Variants in ZNRF1 observed in about 807,000 individuals in gnomAD.
ZNRF1 encodes the protein E3 ubiquitin-protein ligase ZNRF1.
In ZNRF1, 3 loss-of-function variants were observed where a neutral mutation model predicts 18.4. That is an observed-to-expected ratio of 0.16 (90% CI 0.07 to 0.42). ZNRF1 has a LOEUF of 0.42. Among genes scored for constraint, ZNRF1 ranks in the 10% least tolerant of loss-of-function variants. The pLI is 0.99. For synonymous variants in ZNRF1, 157 were observed against 144.2 expected (o/e 1.09, Z -0.64); for missense variants, 310 against 329.8 (o/e 0.94, Z 0.47).
chr16:75,078,085 TC>T (rs1302193282), intron 1 of ZNRF1, among the ~76,000 whole-genome samples: 1 of 152,170 alleles, frequency 6.6e-6, no homozygotes, highest in Non-Finnish European at 1.5e-5. Context: ...GCACACATGT[TC>T]CCATGTAATG....
chr16:74,999,613 TGAG>T lies in ZNRF1; in HGVS notation c.-58_-56del. ...GCTCGCCCAGCCCTCCCCCTGCTGC[TGAG>T]AAGTGGGGGAGGGTCTCGGCCTCCA... On this transcript the variant is annotated 5_prime_UTR_variant, in exon 1 of 5. The change abolishes the stop of an existing upstream ORF in the 5' untranslated region. Transcript: ENST00000335325. 8.2e-7 allele frequency: 1 copy of T among 1,224,374 alleles called. No individual in the cohort carries two copies. The highest frequency in any genetic ancestry group is 1.0e-6 in the Non-Finnish European group (1 of 959,038). 75.8% of individuals were successfully genotyped at this position (1,224,374 alleles called of 1,614,324 possible).
intron 1 of ZNRF1, among the ~76,000 whole-genome samples, chr16:75,070,820 A>T (rs1355613334): frequency 6.6e-6 from 1 of 152,072 alleles, no homozygotes; most frequent in Non-Finnish European, 1.5e-5. Context: ...CATTCACATC[A>T]TGTGTGGGAG....
chr16:75,060,163 C>T (rs1375520854), intron 1 of ZNRF1, among the ~76,000 whole-genome samples: 1 of 151,972 alleles, frequency 6.6e-6, no homozygotes, highest in Non-Finnish European at 1.5e-5. Context: ...AAGTGATTCT[C>T]CTGCCTCAGC....
chr16:75,090,583 C>T (rs748776003), intron 1 of ZNRF1, among the ~76,000 whole-genome samples: 5 of 152,064 alleles, frequency 3.3e-5, no homozygotes, highest in Admixed American at 6.5e-5. Flanking sequence ...AGCCCTTTCC[C>T]GAAGCTCCAC....
intron 1 of ZNRF1, among the ~76,000 whole-genome samples, chr16:75,069,691 C>T (rs1307266877): frequency 6.6e-6 from 1 of 152,196 alleles, no homozygotes; most frequent in African/African-American, 2.4e-5. Flanking sequence ...GGATTACAGG[C>T]GTGAGCCATT....
chr16:75,084,265 A>G (rs2036049322), intron 1 of ZNRF1, among the ~76,000 whole-genome samples: 1 of 152,268 alleles, frequency 6.6e-6, no homozygotes, highest in South Asian at 2.1e-4. Context: ...GAGGAAGGCT[A>G]GAAATATTTG....
chr16:75,025,564 A>G (rs1199624205), intron 1 of ZNRF1, among the ~76,000 whole-genome samples: 1 of 152,154 alleles, frequency 6.6e-6, no homozygotes, highest in Non-Finnish European at 1.5e-5. Flanking sequence ...AGACTACCAC[A>G]GGAAAGATCG....
At chr16:75,015,400 A>G (rs927757227) in intron 1 of ZNRF1, among the ~76,000 whole-genome samples, 1 of 152,128 alleles carries the variant, frequency 6.6e-6, no homozygotes, top group African/African-American at 2.4e-5. Context: ...ACATGGACAA[A>G]CCTCATCTCT....
At chr16:75,045,093 G>T (rs1287124446) in intron 1 of ZNRF1, among the ~76,000 whole-genome samples, 1 of 152,142 alleles carries the variant, frequency 6.6e-6, no homozygotes, top group Non-Finnish European at 1.5e-5. Flanking sequence ...ATCGTGGGTG[G>T]TGCTTGTCCG....
intron 1 of ZNRF1, among the ~76,000 whole-genome samples, chr16:75,070,394 C>T (rs1419667820): frequency 6.6e-6 from 1 of 152,276 alleles, no homozygotes; most frequent in East Asian, 1.9e-4. Context: ...AAATATAAGC[C>T]ACCTCTGAAC....
rs771376546 is a variant in ZNRF1, at chr16:75,000,285, C to T, written c.424+190C>T. 7.3e-5 allele frequency: 66 copies of T among 899,554 alleles called. 2 individuals are homozygous for T. Among genetic ancestry groups the T allele is most frequent in the Middle Eastern group, 6.3e-4 (3 of 4,772 alleles). 55.7% of individuals were successfully genotyped at this position (899,554 alleles called of 1,614,324 possible). A position where few individuals can be genotyped will look rare whatever the true frequency, so the allele number is the denominator to read the frequency against. On this transcript the variant is annotated intron_variant, in intron 1 of 4. Coordinates refer to ENST00000335325, the MANE Select transcript of ZNRF1 (RefSeq NM_032268.5). ...CTAGGCTTTCTGCGAGGCTGCGGAG[C>T]CTGGCGATTTAGGGACTCACGGCGT... is the stretch of plus-strand genomic sequence containing the variant.
At chr16:75,007,258 T>C (rs533839953) in intron 1 of ZNRF1, among the ~76,000 whole-genome samples, 1 of 152,182 alleles carries the variant, frequency 6.6e-6, no homozygotes, top group Admixed American at 6.5e-5. Context: ...TCTCCATTTG[T>C]TGCCCAGGCT....
At chr16:75,021,330 G>A (rs1029693491) in intron 1 of ZNRF1, among the ~76,000 whole-genome samples, 3 of 152,164 alleles carry the variant, frequency 2.0e-5, no homozygotes, top group Admixed American at 2.0e-4. Context: ...TGAGCCAGGC[G>A]CCTGGCCTTC....
At chr16:75,103,556 T>TAACAC (rs2036276888) in intron 2 of ZNRF1, among the ~76,000 whole-genome samples, 29 of 152,182 alleles carry the variant, frequency 1.9e-4, no homozygotes, top group Non-Finnish European at 1.5e-5. Context: ...ATTTTAGTTA[T>TAACAC]GCACGATGAG....
rs531243383 is a variant in ZNRF1 at position 75,039,329 on chromosome 16, G to C, written c.424+39234G>C. Among the ~76,000 whole-genome samples, 36 of 152,016 alleles carry C rather than the reference G, an allele frequency of 2.4e-4. No individual in the cohort carries two copies. The South Asian group carries it at 5.0e-3, about 21-fold the overall frequency. On this transcript the variant is annotated intron_variant, in intron 1 of 4. Coordinates refer to ENST00000335325, the MANE Select transcript of ZNRF1 (RefSeq NM_032268.5). ...TTTAGAATACTGTGAATAAATATAAGTTGCTTTCCTGCAAATTGCTTTATT... is the reference window on the plus strand; with the variant it reads ...TTTAGAATACTGTGAATAAATATAACTTGCTTTCCTGCAAATTGCTTTATT...
intron 1 of ZNRF1, among the ~76,000 whole-genome samples, chr16:75,028,329 C>T (rs532853201): frequency 3.9e-5 from 6 of 152,198 alleles, no homozygotes; most frequent in African/African-American, 9.6e-5. Context: ...GAGTTTCACT[C>T]GACGCCCAGG....
intron 3 of ZNRF1, chr16:75,106,068 C>T: frequency 5.6e-6 from 1 of 178,806 alleles, no homozygotes; most frequent in South Asian, 1.2e-4. Flanking sequence ...GAGCCGTGGC[C>T]CTCCTGCCAT....
intron 1 of ZNRF1, among the ~76,000 whole-genome samples, chr16:75,084,214 G>A (rs748667655): frequency 7.2e-5 from 11 of 152,156 alleles, no homozygotes; most frequent in Non-Finnish European, 1.0e-4. Context: ...CCTTAACTTC[G>A]AAGAGAGCAG....
chr16:75,103,011 A>C (rs367903285), intron 2 of ZNRF1, among the ~76,000 whole-genome samples: 1 of 152,084 alleles, frequency 6.6e-6, no homozygotes, highest in Non-Finnish European at 1.5e-5. Flanking sequence ...ACCTTCCCAG[A>C]TCAGCCCCCA....
Sources: gnomAD v4.1 joint callset for allele counts (sites outside exome capture counted in the v4.1 genomes callset) on GRCh38, gnomAD v4.1.1 for gene constraint, MANE v1.5 for transcripts, NCBI Gene and HGNC (gene_info 2026-07-23, HGNC 2026-07-21) for gene names.